Variants in ZNF529 observed in about 807,000 individuals in gnomAD.
ZNF529 encodes zinc finger protein 529.
A neutral mutation model predicts 10.1 loss-of-function variants in ZNF529; 11 were observed. That is an observed-to-expected ratio of 1.09 (90% CI 0.69 to 1.81). The LOEUF (loss-of-function observed/expected upper bound fraction) is 1.81. ZNF529 is among the 40% of genes most tolerant of loss of function. The pLI is 0.00. For missense variants in ZNF529, 624 were observed against 666.8 expected, an observed-to-expected ratio of 0.94 and a Z score of 0.71; for synonymous variants, 204 against 215.7, an observed-to-expected ratio of 0.95 and a Z score of 0.47.
At chr19:36,592,921 T>C (rs1405108823) in intron 1 of ZNF529, among the ~76,000 whole-genome samples, 1 of 152,112 alleles carries the variant, frequency 6.6e-6, no homozygotes, top group African/African-American at 2.4e-5. Flanking sequence ...TGATGAAAAC[T>C]CTCAGCAAGC....
rs574145130 is a variant in ZNF529, at chr19:36,573,250, G to T, written c.-157C>A. The T allele has an allele frequency of 9.1e-5, 28 of 306,320 alleles. No homozygotes were observed. Among genetic ancestry groups the T allele is most frequent in the Admixed American group, 1.6e-4 (4 of 25,296 alleles). 19.0% of individuals were successfully genotyped at this position (306,320 alleles called of 1,614,324 possible). On this transcript the variant is annotated 5_prime_UTR_variant, in exon 1 of 5. Coordinates refer to ENST00000591340, the MANE Select transcript of ZNF529 (RefSeq NM_020951.5). The stretch of plus-strand genomic sequence containing the variant: ...TCACCGCGAGCTCCTCCCGCAGCCC[G>T]GCCCGGGTCACCTCGACTCGCCAGG...
chr19:36,601,634 G>A (rs956697209), intron 1 of ZNF529, among the ~76,000 whole-genome samples: 3 of 151,976 alleles, frequency 2.0e-5, no homozygotes, highest in African/African-American at 4.8e-5. Flanking sequence ...ATCAGCCACC[G>A]TTTTGTTACT....
At chr19:36,602,707 T>C (rs1319419078) in intron 1 of ZNF529, among the ~76,000 whole-genome samples, 2 of 152,082 alleles carry the variant, frequency 1.3e-5, no homozygotes, top group African/African-American at 4.8e-5. Flanking sequence ...GGCAGGTGGA[T>C]CACCTGAGGT....
chr19:36,589,501 G>C (rs1293576014), intron 2 of ZNF529: 1 of 152,130 alleles, frequency 6.6e-6, no homozygotes, highest in African/African-American at 2.4e-5. Flanking sequence ...TGAGAGCAGA[G>C]GAAAAGCAAG....
At chr19:36,586,622 A>G (rs1368644386) in intron 2 of ZNF529, among the ~76,000 whole-genome samples, 2 of 152,160 alleles carry the variant, frequency 1.3e-5, no homozygotes, top group African/African-American at 2.4e-5. Context: ...AAAAAAGAAA[A>G]AAAAAAAGCT....
Position 36,546,148 on chromosome 19 carries a change from A to G in ZNF529, c.*718T>C, listed in dbSNP as rs1028194293. ...CACACACATATACATCACACACTATATACACACATATAGTATATGTGATAT... is the reference window on the plus strand; with the variant it reads ...CACACACATATACATCACACACTATGTACACACATATAGTATATGTGATAT... On this transcript the variant is annotated 3_prime_UTR_variant, in exon 5 of 5. Coordinates refer to ENST00000591340, the MANE Select transcript of ZNF529 (RefSeq NM_020951.5). 5 of 150,934 alleles carry G rather than the reference A, an allele frequency of 3.3e-5. No homozygotes were observed. The highest frequency in any genetic ancestry group is 1.2e-4 in the African/African-American group (5 of 41,174). The allele number at this position is 150,934 out of a possible 1,614,324, so 9.3% of individuals were successfully genotyped here. A position where few individuals can be genotyped will look rare whatever the true frequency, so the allele number is the denominator to read the frequency against.
chr19:36,589,468 T>C (rs2036657768), intron 2 of ZNF529: 1 of 152,226 alleles, frequency 6.6e-6, no homozygotes, highest in Non-Finnish European at 1.5e-5. Flanking sequence ...GTGTTGACTC[T>C]TACTGTGTTT....
At chr19:36,552,445 T>A (rs1434143673) in intron 4 of ZNF529, among the ~76,000 whole-genome samples, 19 of 151,620 alleles carry the variant, frequency 1.3e-4, no homozygotes, top group Admixed American at 6.6e-5. Context: ...ATAAATAAAA[T>A]CAACAACAAC....
chr19:36,574,142 G>A (rs2036252575), upstream of ZNF529, among the ~76,000 whole-genome samples: 2 of 152,220 alleles, frequency 1.3e-5, no homozygotes. Flanking sequence ...TGTGCCCAGG[G>A]TGGACGGGAT....
chr19:36,581,138 C>G (rs1436792971), intron 2 of ZNF529: 1 of 152,120 alleles, frequency 6.6e-6, no homozygotes, highest in African/African-American at 2.4e-5. Context: ...TTTTCATGTA[C>G]CTGAACAGTC....
At chr19:36,586,464 G>A (rs2036581918) in intron 2 of ZNF529, among the ~76,000 whole-genome samples, 1 of 152,102 alleles carries the variant, frequency 6.6e-6, no homozygotes. Flanking sequence ...AATTAGCCGG[G>A]CGTGGTGGTG....
chr19:36,580,179 G>T (rs2036431652), intron 2 of ZNF529: 1 of 151,988 alleles, frequency 6.6e-6, no homozygotes, highest in African/African-American at 2.4e-5. Flanking sequence ...TTAAAAATAT[G>T]CATGGAGCTG....
In ZNF529 at chr19:36,555,117, T is replaced by A. The variant is rs189147352; in HGVS notation, c.109-321A>T. On this transcript the variant is annotated intron_variant, in intron 3 of 4. Coordinates refer to ENST00000591340, the MANE Select transcript of ZNF529 (RefSeq NM_020951.5). The stretch of plus-strand genomic sequence containing the variant: ...TCATGCTATGTGCCTGCCTCATGAA[T>A]CATCAATAAAGGTAAGTTTCTATAC... Among the ~76,000 whole-genome samples, 79 of 152,246 alleles carry A rather than the reference T, an allele frequency of 5.2e-4. 1 individual carries two copies. In the East Asian group the frequency reaches 0.011, roughly 20 times the overall value.
intron 2 of ZNF529, among the ~76,000 whole-genome samples, chr19:36,559,463 C>T (rs755728613): frequency 6.6e-6 from 1 of 152,214 alleles, no homozygotes; most frequent in Non-Finnish European, 1.5e-5. Flanking sequence ...CATGTGGCAC[C>T]ATGCCCAGCT....
At chr19:36,559,573 C>T (rs980484016) in intron 2 of ZNF529, among the ~76,000 whole-genome samples, 2 of 152,202 alleles carry the variant, frequency 1.3e-5, no homozygotes, top group Non-Finnish European at 2.9e-5. Flanking sequence ...TCCCGAAGTG[C>T]CGGAATTACA....
intron 2 of ZNF529, among the ~76,000 whole-genome samples, chr19:36,568,239 T>C (rs2035967986): frequency 6.6e-6 from 1 of 152,140 alleles, no homozygotes; most frequent in African/African-American, 2.4e-5. Context: ...AGACTGTAAC[T>C]ATCAAACAAA....
At chr19:36,592,962 T>TAGTCTATTGGA (rs2036758200) in intron 1 of ZNF529, among the ~76,000 whole-genome samples, 1 of 152,180 alleles carries the variant, frequency 6.6e-6, no homozygotes, top group Non-Finnish European at 1.5e-5. Flanking sequence ...TTCAATTTGA[T>TAGTCTATTGGA]AGTCTATGAA....
At position 36,547,529 on chromosome 19, in the gene ZNF529, A is replaced by G; in HGVS notation, c.1029T>C (p.Cys343=). Residue 343 remains cysteine (C), a synonymous_variant, in exon 5 of 5, where the codon TGT becomes TGC. Transcript: ENST00000591340. ...GTGAACTAATTCTAAAAACCTTCTC[A>G]CAGTGCATACATTTGTAGGGTTTCT... ...TGEKPYKCMH[C]EKVFRISSQL... 4.3e-6 allele frequency: 7 copies of G among 1,613,346 alleles called. No individual in the cohort carries two copies. Among genetic ancestry groups the G allele is most frequent in the Non-Finnish European group, 5.9e-6 (7 of 1,179,366 alleles).
At chr19:36,570,376 A>G (rs1164321844) in intron 2 of ZNF529, among the ~76,000 whole-genome samples, 10 of 151,254 alleles carry the variant, frequency 6.6e-5, no homozygotes, top group Non-Finnish European at 1.5e-4. Flanking sequence ...AAAAAAAAAA[A>G]AAAAAGAAAA....
Sources: allele counts gnomAD v4.1 joint callset (sites outside exome capture counted in the v4.1 genomes callset), GRCh38; gene constraint gnomAD v4.1.1; transcripts MANE v1.5; gene names NCBI Gene and HGNC (gene_info 2026-07-23, HGNC 2026-07-21).